The following ARMC5 variants were observed in gnomAD, a reference collection of about 807,000 sequenced individuals.
The protein encoded by ARMC5 is armadillo repeat-containing protein 5.
In ARMC5, 28 loss-of-function variants were observed where a neutral mutation model predicts 60.5. The observed-to-expected ratio is 0.46, with a 90% confidence interval of 0.34 to 0.63. The LOEUF (loss-of-function observed/expected upper bound fraction) is 0.63, where lower values mean the gene tolerates loss of function less well. ARMC5 is among the 30% of genes least tolerant of loss of function. The pLI, the probability that ARMC5 is intolerant of heterozygous loss-of-function variation, is 0.01. For synonymous variants in ARMC5, 680 were observed against 607.3 expected, an observed-to-expected ratio of 1.12 and a Z score of -1.76; for missense variants, 1,189 against 1,304.9, an observed-to-expected ratio of 0.91 and a Z score of 1.37.
Position 31,459,877 on chromosome 16 carries a change from G to T in ARMC5, c.353G>T (p.Ser118Ile), listed in dbSNP as rs1182126474. ...GCCCCCTCCGCTGTGTCGTCGTCTA[G>T]TCCTACGCCGCCAGTGCGCCTGCGC... is the stretch of plus-strand genomic sequence containing the variant. ...GPAPSAVSSS[S>I]PTPPVRLRKT... Residue 118 changes from serine to isoleucine, a missense_variant, in exon 1 of 6, where the codon AGT (serine) becomes ATT (isoleucine). Physicochemically the swap from Ser to Ile is moderately radical, Grantham distance 142. Transcript: ENST00000268314. 6.2e-7 allele frequency: 1 copy of T among 1,604,864 alleles called. No individual in the cohort carries two copies. Among genetic ancestry groups the T allele is most frequent in the African/African-American group, 1.3e-5 (1 of 75,022 alleles).
chr16:31,459,269 C>A, upstream of ARMC5: 1 of 1,534,126 alleles, frequency 6.5e-7, no homozygotes, highest in Non-Finnish European at 8.7e-7. Context: ...CCGAGGTAGG[C>A]GTGAGAAGCT....
intron 1 of ARMC5, chr16:31,460,366 G>A (rs1645351916): frequency 4.8e-6 from 1 of 207,568 alleles, no homozygotes; most frequent in Admixed American, 6.3e-5. Context: ...CCTGTGCAAG[G>A]TTCTGAAGCC....
rs1434848450 is a variant in ARMC5 at position 31,462,553 on chromosome 16, G to C, written c.1006G>C (p.Asp336His). The C allele has an allele frequency of 1.9e-6, 3 of 1,611,136 alleles. No homozygotes were observed. The highest frequency in any genetic ancestry group is 2.5e-6 in the Non-Finnish European group (3 of 1,179,844). The change falls in exon 3 of 6, where the codon GAT becomes CAT. Residue 336 changes from aspartate (D) to histidine (H), a missense_variant. This residue lies in a region of ARMC5 where 862 missense variants were observed against 1,071.2 expected (regional missense o/e 0.80). Coordinates refer to ENST00000268314, the MANE Select transcript of ARMC5 (RefSeq NM_001105247.2). The surrounding 1 kb of genome is among the most constrained non-coding windows in gnomAD (Gnocchi z 7.2). ...GGTAGATGAGCTCCGGCAGCGCCGG[G>C]ATCCTAATGGAGCTAGCCCAACCTC... ...VLVDELRQRRDPNGASPTSQQ... is the reference protein window; with the variant it reads ...VLVDELRQRRHPNGASPTSQQ...
chr16:31,466,083 C>T lies in ARMC5; in HGVS notation c.2002C>T (p.Pro668Ser). 6.3e-7 allele frequency: 1 copy of T among 1,598,174 alleles called. No individual in the cohort carries two copies. The highest frequency in any genetic ancestry group is 8.5e-7 in the Non-Finnish European group (1 of 1,178,358). ...ALTLPFICRKPSLWRRLLLEQ... is the reference protein window; with the variant it reads ...ALTLPFICRKSSLWRRLLLEQ... ...AAGGCCCTCTCTTCCCTGTAGGAAG[C>T]CCTCTCTGTGGCGCCGGCTGCTTCT... The change falls in exon 6 of 6, where the codon CCC (proline) becomes TCC (serine). Residue 668 changes from proline to serine, a missense_variant. Coordinates refer to ENST00000268314, the MANE Select transcript of ARMC5 (RefSeq NM_001105247.2). The surrounding 1 kb of genome is among the most constrained non-coding windows in gnomAD (Gnocchi z 8.0).
intron 1 of ARMC5, 69 bp downstream of exon 1, chr16:31,460,068 G>GT: frequency 6.6e-7 from 1 of 1,515,552 alleles, no homozygotes; most frequent in South Asian, 1.2e-5. Flanking sequence ...GACCCGGGCA[G>GT]TCTGGAGTTC....
chr16:31,459,641 C>T lies in ARMC5; in HGVS notation c.117C>T (p.Pro39=), dbSNP rs2142561439. ...AGGACCCAGCGACCAACGAGACACC[C>T]CTGAGCCGCGCGCTCCTAGCCCTCC... ...GEKDPATNET[P]LSRALLALRT... The change falls in exon 1 of 6, where the codon CCC becomes CCT. Residue 39 remains proline (P), a synonymous_variant. Coordinates refer to ENST00000268314, the MANE Select transcript of ARMC5 (RefSeq NM_001105247.2). The T allele has an allele frequency of 1.9e-6, 3 of 1,592,904 alleles. No homozygotes were observed. The East Asian group carries it at 6.7e-5, about 36-fold the overall frequency.
Position 31,466,455 on chromosome 16 carries a change from C to T in ARMC5, c.2374C>T (p.Leu792=), listed in dbSNP as rs980012335. The change falls in exon 6 of 6, where the codon CTG becomes TTG. Residue 792 remains leucine, a synonymous_variant. Transcript: ENST00000268314. The surrounding 1 kb of genome is among the most constrained non-coding windows in gnomAD (Gnocchi z 8.0). ...FAEAQMDLVP[L]RGLSPGAAWP... ...AGAAGCCCAGATGGACCTGGTGCCC[C>T]TGCGAGGTCTGTCGCCTGGTGCAGC... 10 of 1,611,622 alleles carry T rather than the reference C, an allele frequency of 6.2e-6. No homozygotes were observed. Among genetic ancestry groups the T allele is most frequent in the Non-Finnish European group, 7.6e-6 (9 of 1,179,854 alleles).
chr16:31,460,059 A>T (rs1289328654), intron 1 of ARMC5, 60 bp downstream of exon 1: 7 of 1,548,942 alleles, frequency 4.5e-6, no homozygotes, highest in Non-Finnish European at 5.2e-6. Context: ...TGCTCTCTAG[A>T]CCCGGGCAGT....
chr16:31,466,607 C>T lies in ARMC5; in HGVS notation c.2526C>T (p.Phe842=), dbSNP rs940611819. 3.1e-6 allele frequency: 5 copies of T among 1,605,858 alleles called. No individual in the cohort carries two copies. The highest frequency in any genetic ancestry group is 1.3e-5 in the African/African-American group (1 of 74,828). Reference sequence around the variant, plus strand: ...AGGCACTGGAGGCTGCTGGCCGTTTCCTACTGCCTGGGCTGGAGGAGGAGC... The same window carrying T: ...AGGCACTGGAGGCTGCTGGCCGTTTTCTACTGCCTGGGCTGGAGGAGGAGC... ...AEEALEAAGR[F]LLPGLEEELE... Residue 842 remains phenylalanine (F), a synonymous_variant, in exon 6 of 6, where the codon TTC becomes TTT. Transcript: ENST00000268314. The surrounding 1 kb of genome is among the most constrained non-coding windows in gnomAD (Gnocchi z 8.0).
intron 1 of ARMC5, among the ~76,000 whole-genome samples, chr16:31,461,160 C>T (rs1158613978): frequency 1.3e-5 from 2 of 152,150 alleles, no homozygotes; most frequent in Admixed American, 1.3e-4. Context: ...TGTGTGATGC[C>T]AGTAGCTGGG....
At chr16:31,459,032 G>T (rs1004751724), upstream of ARMC5, 107 of 1,525,702 alleles carry the variant, frequency 7.0e-5, no homozygotes, top group Non-Finnish European at 9.2e-5. Context: ...TCTGCGGCGC[G>T]GTCAGGACCC....
upstream of ARMC5, chr16:31,459,336 T>C (rs2082276708): frequency 1.3e-6 from 2 of 1,535,022 alleles, no homozygotes; most frequent in Admixed American, 2.0e-5. Context: ...TGCGCTGCGA[T>C]TAAGGTACTG....
chr16:31,466,599 G>A lies in ARMC5; in HGVS notation c.2518G>A (p.Gly840Ser). The A allele has an allele frequency of 4.4e-6, 7 of 1,607,136 alleles. No individual in the cohort carries two copies. Among genetic ancestry groups the A allele is most frequent in the African/African-American group, 2.7e-5 (2 of 74,992 alleles). The change falls in exon 6 of 6, where the codon GGC becomes AGC. Residue 840 changes from glycine (G) to serine (S), a missense_variant. Gly to Ser is a moderately conservative substitution (Grantham distance 56, BLOSUM62 0). Coordinates refer to ENST00000268314, the MANE Select transcript of ARMC5 (RefSeq NM_001105247.2). The surrounding 1 kb of genome is among the most constrained non-coding windows in gnomAD (Gnocchi z 8.0). Reference protein sequence around the residue: ...SEAEEALEAAGRFLLPGLEEE... With the variant: ...SEAEEALEAASRFLLPGLEEE... ...GGCCGAGGAGGCACTGGAGGCTGCT[G>A]GCCGTTTCCTACTGCCTGGGCTGGA...
intron 1 of ARMC5, among the ~76,000 whole-genome samples, chr16:31,460,735 G>A (rs1215450607): frequency 6.6e-6 from 1 of 152,062 alleles, no homozygotes; most frequent in Non-Finnish European, 1.5e-5. Context: ...ACAAGACCTC[G>A]TATCTTAGAA....
rs201191448 is a variant in ARMC5, at chr16:31,465,055, C to T, written c.1864+168C>T. On this transcript the variant is annotated intron_variant, in intron 4 of 5. Transcript: ENST00000268314. The stretch of plus-strand genomic sequence containing the variant: ...TGGGGAGCAGGGCGTTCCAGTCCCT[C>T]CATGGGCCCACAGGCAGAGTTCTGC... 7 of 1,613,886 alleles carry T rather than the reference C, an allele frequency of 4.3e-6. No individual in the cohort carries two copies. In the Admixed American group the frequency reaches 1.2e-4, roughly 27 times the overall value.
Position 31,464,627 on chromosome 16 carries a change from C to T in ARMC5, c.1604C>T (p.Ala535Val). The T allele has an allele frequency of 6.3e-7, 1 of 1,597,592 alleles. No individual in the cohort carries two copies. The highest frequency in any genetic ancestry group is 8.5e-7 in the Non-Finnish European group (1 of 1,178,168). Residue 535 changes from alanine (A) to valine (V), a missense_variant, in exon 4 of 6, where the codon GCC becomes GTC. Ala to Val is a moderately conservative substitution (Grantham distance 64). Coordinates refer to ENST00000268314, the MANE Select transcript of ARMC5 (RefSeq NM_001105247.2). The surrounding 1 kb of genome is among the most constrained non-coding windows in gnomAD (Gnocchi z 7.6). ...CTGCTGCTGTCGCGCTTTTCCCAGG[C>T]CCCTGACCCAAGTGGGGCACTTGTG... ...ALLLLSRFSQ[A>V]PDPSGALVTG...
chr16:31,459,205 C>G (rs2082274689), upstream of ARMC5: 1 of 1,530,972 alleles, frequency 6.5e-7, no homozygotes, highest in Admixed American at 2.0e-5. Context: ...GACTTCTGGG[C>G]TGTTCGGAGG....
chr16:31,462,602 T>C lies in ARMC5; in HGVS notation c.1055T>C (p.Val352Ala). 6.2e-7 allele frequency: 1 copy of C among 1,613,364 alleles called. No homozygotes were observed. The highest frequency in any genetic ancestry group is 8.5e-7 in the Non-Finnish European group (1 of 1,180,014). The change falls in exon 3 of 6, where the codon GTG (valine) becomes GCG (alanine). Residue 352 changes from valine (V) to alanine (A), a missense_variant. By Grantham distance (64) the Val-to-Ala change is moderately conservative. Coordinates refer to ENST00000268314, the MANE Select transcript of ARMC5 (RefSeq NM_001105247.2). This position sits in a 1 kb window ranked among gnomAD's most constrained non-coding sequence, Gnocchi z 7.2. The stretch of plus-strand genomic sequence containing the variant: ...TCCCAGCAGCCCCTGGTGCGGGCTG[T>C]GTGCCTCCTATGTCGTGAGGCCATC... ...PTSQQPLVRAVCLLCREAINR... is the reference protein window; with the variant it reads ...PTSQQPLVRAACLLCREAINR...
chr16:31,459,872 G>A lies in ARMC5; in HGVS notation c.348G>A (p.Ser116=). 6.2e-7 allele frequency: 1 copy of A among 1,603,936 alleles called. No individual in the cohort carries two copies. Among genetic ancestry groups the A allele is most frequent in the Non-Finnish European group, 8.5e-7 (1 of 1,179,510 alleles). Residue 116 remains serine (S), a synonymous_variant, in exon 1 of 6, where the codon TCG becomes TCA. Coordinates refer to ENST00000268314, the MANE Select transcript of ARMC5 (RefSeq NM_001105247.2). ...ASGPAPSAVS[S]SSPTPPVRLR... The stretch of plus-strand genomic sequence containing the variant: ...GCCCCGCCCCCTCCGCTGTGTCGTC[G>A]TCTAGTCCTACGCCGCCAGTGCGCC...
Sources: gnomAD v4.1 joint callset for allele counts (sites outside exome capture counted in the v4.1 genomes callset) on GRCh38, gnomAD v4.1.1 for gene constraint, gnomAD v4.1.1 regional missense constraint, Gnocchi (gnomAD v3.1) non-coding constraint, MANE v1.5 for transcripts, NCBI Gene and HGNC (gene_info 2026-07-23, HGNC 2026-07-21) for gene names.